The following SETX variants were observed in gnomAD, a reference collection of about 807,000 sequenced individuals.
SETX encodes senataxin.
Under a neutral mutation model 227.2 loss-of-function variants are expected in SETX, and 90 were observed. The observed-to-expected ratio is 0.40, with a 90% CI of 0.33 to 0.47. SETX has a LOEUF of 0.47. SETX is among the 20% of genes least tolerant of loss of function. The probability of loss-of-function intolerance (pLI) is 0.91; values close to 1 mark genes in which losing one functional copy is unlikely to be tolerated. For missense variants in SETX, 3,052 were observed against 3,181.5 expected, an observed-to-expected ratio of 0.96 and a Z score of 0.98; for synonymous variants, 1,210 against 1,113.2, an observed-to-expected ratio of 1.09 and a Z score of -1.73.
At chr9:132,342,222 T>C (rs1407526557) in intron 5 of SETX, among the ~76,000 whole-genome samples, 1 of 152,226 alleles carries the variant, frequency 6.6e-6, no homozygotes, top group African/African-American at 2.4e-5. Flanking sequence ...GTTTCAATGC[T>C]ATCTGCTTCT....
At chr9:132,322,910 G>A (rs1403506974) in intron 10 of SETX, among the ~76,000 whole-genome samples, 2 of 152,036 alleles carry the variant, frequency 1.3e-5, no homozygotes, top group Non-Finnish European at 2.9e-5. Context: ...CAGAGAACAA[G>A]AGTTCCAGGA....
chr9:132,311,309 G>A (rs1030333401), intron 11 of SETX, among the ~76,000 whole-genome samples: 3 of 152,118 alleles, frequency 2.0e-5, no homozygotes, highest in African/African-American at 7.2e-5. Context: ...ATGGATGGGG[G>A]TTGGGGGTAA....
At position 132,329,931 on chromosome 9, in the gene SETX, T is replaced by C. The variant is rs754890755; in HGVS notation, c.1667A>G (p.Lys556Arg). The change falls in exon 10 of 26, where the codon AAG becomes AGG. Residue 556 changes from lysine to arginine, a missense_variant. Lys to Arg is a conservative substitution (Grantham distance 26, BLOSUM62 2). Around this residue, in one of 10 missense-constraint regions of SETX, gnomAD observed 179 missense variants for 197.1 expected, o/e 0.91. Coordinates refer to ENST00000224140, the MANE Select transcript of SETX (RefSeq NM_015046.7). ...GYQLGQQSLC[K>R]RFWDKLNLFL... ...TAAGTTGAGCTTATCCCAGAATCGC[T>C]TGCAAAGAGACTGCTGCCCAAGCTG... 10 of 1,614,088 alleles carry C rather than the reference T, an allele frequency of 6.2e-6. No individual in the cohort carries two copies. In the East Asian group the frequency reaches 1.1e-4, roughly 18 times the overall value.
chr9:132,320,593 C>CAAAAAAAAAAAAAAAAAAAAAA (rs141457619), intron 10 of SETX, among the ~76,000 whole-genome samples: 1 of 61,068 alleles, frequency 1.6e-5, no homozygotes, highest in African/African-American at 7.0e-5. Flanking sequence ...GACTCCAACT[C>CAAAAAAAAAAAAAAAAAAAAAA]AAAAAAAAAA....
chr9:132,318,769 A>G (rs1846152747), intron 10 of SETX, among the ~76,000 whole-genome samples: 1 of 152,102 alleles, frequency 6.6e-6, no homozygotes, highest in Non-Finnish European at 1.5e-5. Context: ...GCTAGTTCCA[A>G]CTTTTCTGCC....
At chr9:132,277,429 G>T (rs984068416) in intron 21 of SETX, among the ~76,000 whole-genome samples, 7 of 152,030 alleles carry the variant, frequency 4.6e-5, no homozygotes, top group African/African-American at 1.7e-4. Context: ...GTTAAGTATG[G>T]TCCCACATTT....
intron 10 of SETX, 132 bp from the exon 11 acceptor site, chr9:132,311,988 T>C: frequency 1.4e-6 from 1 of 724,410 alleles, no homozygotes; most frequent in Non-Finnish European, 2.4e-6. Flanking sequence ...AAAAATTGAT[T>C]CACGGCAGGT....
At chr9:132,286,582 C>T (rs1377181309) in intron 17 of SETX, 88 bp from the exon 18 acceptor site, 6 of 894,618 alleles carry the variant, frequency 6.7e-6, no homozygotes, top group Non-Finnish European at 1.1e-5. Context: ...TTAAAAGAGC[C>T]TGTATTTCAC....
intron 24 of SETX, among the ~76,000 whole-genome samples, chr9:132,270,155 A>G (rs1356311893): frequency 8.3e-5 from 10 of 120,578 alleles, no homozygotes; most frequent in African/African-American, 3.4e-4. Context: ...ATGACTCAGC[A>G]TCCTCATGTG....
At chr9:132,335,962 C>T (rs754253534) in intron 6 of SETX, among the ~76,000 whole-genome samples, 7 of 152,292 alleles carry the variant, frequency 4.6e-5, no homozygotes, top group Admixed American at 6.5e-5. Context: ...AACTACAGGG[C>T]CGGGCGCGGT....
intron 20 of SETX, 120 bp downstream of exon 20, chr9:132,281,347 A>C (rs1183912170): frequency 4.2e-6 from 3 of 711,580 alleles, no homozygotes; most frequent in Non-Finnish European, 7.5e-6. Flanking sequence ...TTTCTTAGTT[A>C]CTGCTTACTT....
rs202036078 is a variant in SETX, at chr9:132,329,331, T to C, written c.2267A>G (p.Glu756Gly). ...ATCTTCATTCGATGTGGACACTTTT[T>C]CCAAAGCATCAGTGCTAGAATCAGT... ...LLTDSSTDAL[E>G]KVSTSNEDFS... is the part of the protein sequence containing the mutation. Residue 756 changes from glutamate to glycine, a missense_variant, in exon 10 of 26, where the codon GAA becomes GGA. Physicochemically the swap from Glu to Gly is moderately conservative, Grantham distance 98. Around this residue, in one of 10 missense-constraint regions of SETX, gnomAD observed 1,483 missense variants for 1,312.0 expected, o/e 1.13. Coordinates refer to ENST00000224140, the MANE Select transcript of SETX (RefSeq NM_015046.7). 13 of 1,613,848 alleles carry C rather than the reference T, an allele frequency of 8.1e-6. No individual in the cohort carries two copies. In the African/African-American group the frequency reaches 1.7e-4, roughly 22 times the overall value.
In SETX at chr9:132,349,388, G is replaced by A. The variant is rs770310239; in HGVS notation, c.41C>T (p.Thr14Ile). 2 of 1,614,034 alleles carry A rather than the reference G, an allele frequency of 1.2e-6. No homozygotes were observed. The highest frequency in any genetic ancestry group is 1.7e-6 in the Non-Finnish European group (2 of 1,180,038). The change falls in exon 3 of 26, where the codon ACC becomes ATC. Residue 14 changes from threonine to isoleucine, a missense_variant. Transcript: ENST00000224140. ...AGCATAGCGCTTTAGGAAGTCAATG[G>A]TGGAAGCACCACCTGGCGTACACCA... is the stretch of plus-strand genomic sequence containing the variant. ...CCWCTPGGAS[T>I]IDFLKRYASN...
In SETX at chr9:132,348,125, G is replaced by A. The variant is rs1290442961; in HGVS notation, c.177+1127C>T. Among the ~76,000 whole-genome samples, 7 of 151,244 alleles carry A rather than the reference G, an allele frequency of 4.6e-5. No individual in the cohort carries two copies. In the South Asian group the frequency reaches 1.3e-3, roughly 27 times the overall value. On this transcript the variant is annotated intron_variant, in intron 3 of 25. Transcript: ENST00000224140. ...TGTAATCCCAGCACTTTGGGAGGCC[G>A]AGGTGGGCAGATCACCTGACGTCAG...
Position 132,329,827 on chromosome 9 carries a change from T to C in SETX, c.1771A>G (p.Ile591Val), listed in dbSNP as rs777443178. Residue 591 changes from isoleucine (I) to valine (V), a missense_variant, in exon 10 of 26, where the codon ATT becomes GTT. Physicochemically the swap from Ile to Val is conservative, Grantham distance 29. Around this residue, in one of 10 missense-constraint regions of SETX, gnomAD observed 179 missense variants for 197.1 expected, o/e 0.91. Transcript: ENST00000224140. ...GCTTTGAATTTTATGTTTCTAATAA[T>C]TTGCTTTAAGCAACTTTGTAGCTCA... The part of the protein sequence containing the change: ...THELQSCLKQ[I>V]IRNIKFKAPP... 3.2e-5 allele frequency: 51 copies of C among 1,613,940 alleles called. No homozygotes were observed. In the South Asian group the frequency reaches 5.1e-4, roughly 16 times the overall value.
chr9:132,342,623 G>A (rs570399728), intron 5 of SETX, 67 bp downstream of exon 5: 18 of 1,120,134 alleles, frequency 1.6e-5, no homozygotes, highest in African/African-American at 3.1e-5. Context: ...ACCAAAAACC[G>A]CTATTATAGC....
chr9:132,290,400 C>T (rs924824421), intron 15 of SETX, among the ~76,000 whole-genome samples: 1 of 151,492 alleles, frequency 6.6e-6, no homozygotes, highest in African/African-American at 2.4e-5. Context: ...CATGGTGAAA[C>T]GCCATCTCTA....
At chr9:132,354,770 AGC>A (rs1848817434) in intron 1 of SETX, 145 bp downstream of exon 1, 1 of 151,258 alleles carries the variant, frequency 6.6e-6, no homozygotes, top group Non-Finnish European at 1.5e-5. Flanking sequence ...CACCGAGGGA[AGC>A]GGCCGAGCCC....
intron 25 of SETX, among the ~76,000 whole-genome samples, chr9:132,266,707 C>T (rs1218492177): frequency 1.3e-5 from 2 of 151,954 alleles, no homozygotes; most frequent in Non-Finnish European, 2.9e-5. Flanking sequence ...AGGAGGCGGA[C>T]GTTGCAGTGA....
Sources: allele counts gnomAD v4.1 joint callset (sites outside exome capture counted in the v4.1 genomes callset), GRCh38; gene constraint gnomAD v4.1.1; regional missense constraint gnomAD v4.1.1; transcripts MANE v1.5; gene names NCBI Gene and HGNC (gene_info 2026-07-23, HGNC 2026-07-21).